CNTNAP3B: variants seen among roughly 807,000 people sequenced by gnomAD.
CNTNAP3B encodes the protein contactin associated protein family member 3B.
In CNTNAP3B, 25 loss-of-function variants were observed where a neutral mutation model predicts 108.9. That is an observed-to-expected ratio of 0.23 (90% CI 0.17 to 0.32). The LOEUF (loss-of-function observed/expected upper bound fraction) is 0.32. Ranked by LOEUF, CNTNAP3B falls within the 10% of genes least tolerant of loss-of-function variation. The probability of loss-of-function intolerance (pLI) is 1.00; values close to 1 mark genes in which losing one functional copy is unlikely to be tolerated. For synonymous variants in CNTNAP3B, 103 were observed against 473.4 expected, an observed-to-expected ratio of 0.22 and a Z score of 10.16; for missense variants, 252 against 1,210.4, an observed-to-expected ratio of 0.21 and a Z score of 11.75.
chr9:41,934,122 TAC>T (rs201541186), intron 14 of CNTNAP3B, among the ~76,000 whole-genome samples: 1,603 of 73,172 alleles, frequency 0.022, 21 homozygotes, highest in South Asian at 0.026. Flanking sequence ...TATATATATA[TAC>T]ACACACATAT....
intron 17 of CNTNAP3B, among the ~76,000 whole-genome samples, chr9:41,920,790 G>A (rs1424082747): frequency 6.6e-6 from 1 of 152,302 alleles, no homozygotes; most frequent in Non-Finnish European, 1.5e-5. Flanking sequence ...TTACTTGGAT[G>A]GACTCTAAAA....
chr9:41,933,815 A>AT (rs1460909030), intron 14 of CNTNAP3B, among the ~76,000 whole-genome samples: 1 of 152,262 alleles, frequency 6.6e-6, no homozygotes, highest in Non-Finnish European at 1.5e-5. Flanking sequence ...AAAGTTATAT[A>AT]TTCATTATTG....
At chr9:41,926,959 C>T (rs1823837537) in intron 15 of CNTNAP3B, among the ~76,000 whole-genome samples, 2 of 152,306 alleles carry the variant, frequency 1.3e-5, no homozygotes, top group African/African-American at 4.8e-5. Flanking sequence ...TATCAATAGG[C>T]AGGGGAAAAA....
intron 11 of CNTNAP3B, among the ~76,000 whole-genome samples, chr9:41,964,077 C>T (rs1825190382): frequency 5.3e-5 from 8 of 152,284 alleles, no homozygotes; most frequent in Admixed American, 5.2e-4. Context: ...ATGTACAATC[C>T]CATGATTGCA....
In CNTNAP3B at chr9:42,125,674, T is replaced by TG. The variant is rs1396931534; in HGVS notation, c.85+3335_85+3336insC. 2.7e-4 allele frequency among the ~76,000 whole-genome samples: 36 copies of TG among 133,110 alleles called. 3 individuals carry two copies. The highest frequency in any genetic ancestry group is 4.5e-4 in the Non-Finnish European group (28 of 62,680). The allele number at this position is 133,110 out of a possible 152,430, so 87.3% of individuals were successfully genotyped here. A position where few individuals can be genotyped will look rare whatever the true frequency, so the allele number is the denominator to read the frequency against. On this transcript the variant is annotated intron_variant, in intron 1 of 23. Coordinates refer to ENST00000377561, the MANE Select transcript of CNTNAP3B (RefSeq NM_001201380.3). The stretch of plus-strand genomic sequence containing the variant: ...GTGAACTACATTTTTTGTTTTTTTT[T>TG]TTTTGTTTTTTTTTGAGACAGAGTC...
rs988155475 is a variant in CNTNAP3B at position 42,068,076 on chromosome 9, T to C, written c.390+8793A>G. Among the ~76,000 whole-genome samples the C allele has an allele frequency of 3.7e-5, 5 of 135,992 alleles. 2 individuals are homozygous for C. Among genetic ancestry groups the C allele is most frequent in the Non-Finnish European group, 7.8e-5 (5 of 64,146 alleles). 89.2% of individuals were successfully genotyped at this position (135,992 alleles called of 152,430 possible). ...CAGAGGATACTGCTTGAAACAAAAC[T>C]GCTTAGACCAGCACACTTCTCTGAT... is the stretch of plus-strand genomic sequence containing the variant. On this transcript the variant is annotated intron_variant, in intron 3 of 23. Transcript: ENST00000377561.
chr9:41,953,180 T>C lies in CNTNAP3B; in HGVS notation c.2080+3A>G. The stretch of plus-strand genomic sequence containing the variant: ...CCCTGTAGCCTCCAGCAGTGGCGCT[T>C]ACCTCGTGAGTCCGGGCGCCGCGCT... On this transcript the variant is annotated splice_donor_region_variant and intron_variant, in intron 13 of 23. Coordinates refer to ENST00000377561, the MANE Select transcript of CNTNAP3B (RefSeq NM_001201380.3). 3 of 1,519,626 alleles carry C rather than the reference T, an allele frequency of 2.0e-6. No homozygotes were observed. Among genetic ancestry groups the C allele is most frequent in the Non-Finnish European group, 2.6e-6 (3 of 1,142,964 alleles). The allele number at this position is 1,519,626 out of a possible 1,614,324, so 94.1% of individuals were successfully genotyped here.
chr9:42,063,730 C>G (rs866129266), intron 3 of CNTNAP3B, among the ~76,000 whole-genome samples: 1 of 137,448 alleles, frequency 7.3e-6, no homozygotes, highest in Non-Finnish European at 1.5e-5. Context: ...CTCTCTATAT[C>G]TCTTTCTTTA....
In CNTNAP3B at chr9:42,077,655, G is replaced by A. The variant is rs1402894345; in HGVS notation, c.197-593C>T. Among the ~76,000 whole-genome samples the A allele has an allele frequency of 2.3e-5, 3 of 130,696 alleles. 1 individual carries two copies. The highest frequency in any genetic ancestry group is 9.3e-5 in the African/African-American group (3 of 32,156). 85.7% of individuals were successfully genotyped at this position (130,696 alleles called of 152,430 possible). A position where few individuals can be genotyped will look rare whatever the true frequency, so the allele number is the denominator to read the frequency against. On this transcript the variant is annotated intron_variant, in intron 2 of 23. Coordinates refer to ENST00000377561, the MANE Select transcript of CNTNAP3B (RefSeq NM_001201380.3). ...GATATTGGTTAAAAAATACAAAAAG[G>A]TATGGAGTAGCAAATGGTCAAGGTG...
intron 11 of CNTNAP3B, among the ~76,000 whole-genome samples, chr9:41,962,272 C>G (rs1023829285): frequency 6.6e-6 from 1 of 152,264 alleles, no homozygotes; most frequent in Admixed American, 6.5e-5. Flanking sequence ...GTGTGGCAGT[C>G]TAGTCTCACA....
intron 10 of CNTNAP3B, among the ~76,000 whole-genome samples, chr9:41,966,561 G>A (rs1373942339): frequency 1.3e-5 from 2 of 152,240 alleles, no homozygotes; most frequent in Non-Finnish European, 2.9e-5. Flanking sequence ...TCCCTGCTCA[G>A]GGAGCCCCAG....
chr9:41,948,325 C>G, intron 13 of CNTNAP3B, among the ~76,000 whole-genome samples: 2 of 152,112 alleles, frequency 1.3e-5, no homozygotes, highest in Non-Finnish European at 2.9e-5. Flanking sequence ...CTCCTGACCT[C>G]AAGTGATCCA....
At position 41,920,172 on chromosome 9, in the gene CNTNAP3B, A is replaced by G. The variant is rs1823629617; in HGVS notation, c.2893T>C (p.Tyr965His). Reference sequence around the variant, plus strand: ...CCTCCATTGCGACACAAGTGTCCATAGGTGCTGCAGTGTCCTGCACACCCT... The same window carrying G: ...CCTCCATTGCGACACAAGTGTCCATGGGTGCTGCAGTGTCCTGCACACCCT... ...EPGCAGHCST[Y>H]GHLCRNGGRC... The change falls in exon 18 of 24, where the codon TAT (tyrosine) becomes CAT (histidine). Residue 965 changes from tyrosine to histidine, a missense_variant. Coordinates refer to ENST00000377561, the MANE Select transcript of CNTNAP3B (RefSeq NM_001201380.3). The G allele has an allele frequency of 6.4e-7, 1 of 1,557,038 alleles. No homozygotes were observed. Among genetic ancestry groups the G allele is most frequent in the African/African-American group, 1.4e-5 (1 of 72,508 alleles).
rs1202264355 is a variant in CNTNAP3B, at chr9:42,068,009, G to C, written c.390+8860C>G. Among the ~76,000 whole-genome samples the C allele has an allele frequency of 2.9e-5, 4 of 139,234 alleles. 2 individuals are homozygous for C. The highest frequency in any genetic ancestry group is 1.1e-4 in the African/African-American group (4 of 35,056). 91.3% of individuals were successfully genotyped at this position (139,234 alleles called of 152,430 possible). On this transcript the variant is annotated intron_variant, in intron 3 of 23. Transcript: ENST00000377561. ...TCACTATAGCCAAAGTTTCAGTGTA[G>C]AAAAACACCCCTGCTCATCAGTATC...
chr9:41,934,128 C>CATATATATAT (rs1393370310), intron 14 of CNTNAP3B, among the ~76,000 whole-genome samples: 2 of 19,422 alleles, frequency 1.0e-4, no homozygotes, highest in African/African-American at 2.3e-4. Flanking sequence ...TATATACACA[C>CATATATATAT]ACATATATAT....
chr9:42,115,811 C>T lies in CNTNAP3B; in HGVS notation c.86-11072G>A, dbSNP rs374303808. 2.0e-4 allele frequency among the ~76,000 whole-genome samples: 24 copies of T among 121,112 alleles called. 4 individuals carry two copies. Among genetic ancestry groups the T allele is most frequent in the Admixed American group, 5.9e-4 (7 of 11,774 alleles). The allele number at this position is 121,112 out of a possible 152,430, so 79.5% of individuals were successfully genotyped here. Reference sequence around the variant, plus strand: ...TTCTAAAAATCAGAGCACCTCTTCTCCTCCAAAGGAACACAACGCCTCGCC... The same window carrying T: ...TTCTAAAAATCAGAGCACCTCTTCTTCTCCAAAGGAACACAACGCCTCGCC... On this transcript the variant is annotated intron_variant, in intron 1 of 23. Transcript: ENST00000377561.
At chr9:41,959,252 G>GAT (rs1824978286) in intron 12 of CNTNAP3B, among the ~76,000 whole-genome samples, 1 of 139,776 alleles carries the variant, frequency 7.2e-6, no homozygotes, top group Non-Finnish European at 1.6e-5. Context: ...AGGTTATTAC[G>GAT]ATATATACAT....
chr9:41,932,262 G>A (rs1465689766), intron 14 of CNTNAP3B, among the ~76,000 whole-genome samples: 2 of 152,044 alleles, frequency 1.3e-5, no homozygotes, highest in African/African-American at 4.8e-5. Flanking sequence ...ATCTCTTGGA[G>A]CAGTATTAAA....
intron 2 of CNTNAP3B, among the ~76,000 whole-genome samples, chr9:42,080,368 C>A (rs1431316899): frequency 7.2e-6 from 1 of 139,504 alleles, no homozygotes; most frequent in Non-Finnish European, 1.5e-5. Flanking sequence ...CAAAGAATTT[C>A]ATCAGGATGT....
Sources: allele counts gnomAD v4.1 joint callset (sites outside exome capture counted in the v4.1 genomes callset), GRCh38; gene constraint gnomAD v4.1.1; transcripts MANE v1.5; gene names NCBI Gene and HGNC (gene_info 2026-07-23, HGNC 2026-07-21).